GAS6: variants seen among roughly 807,000 people sequenced by gnomAD.
The protein encoded by GAS6 is growth arrest-specific protein 6.
Under a neutral mutation model 75.8 loss-of-function variants are expected in GAS6, and 41 were observed. That is an observed-to-expected ratio of 0.54 (90% CI 0.42 to 0.70). The LOEUF (loss-of-function observed/expected upper bound fraction) is 0.70. GAS6 is among the 30% of genes least tolerant of loss of function. The pLI, the probability that GAS6 is intolerant of heterozygous loss-of-function variation, is 0.00. For synonymous variants in GAS6, 432 were observed against 412.6 expected (o/e 1.05, Z -0.57); for missense variants, 854 against 940.2 (o/e 0.91, Z 1.20).
At chr13:113,831,701 G>C (rs889922259) in intron 10 of GAS6, among the ~76,000 whole-genome samples, 1 of 152,152 alleles carries the variant, frequency 6.6e-6, no homozygotes, top group Non-Finnish European at 1.5e-5. Context: ...GAGAGGCCTA[G>C]AGCACCACAG....
chr13:113,839,641 C>A (rs185588960), intron 5 of GAS6, 87 bp downstream of exon 5: 1 of 1,532,648 alleles, frequency 6.5e-7, no homozygotes, highest in Non-Finnish European at 8.9e-7. Flanking sequence ...TGAGGATGGC[C>A]GTGCCCCGGA....
chr13:113,838,642 C>T (rs1251890262), intron 5 of GAS6, among the ~76,000 whole-genome samples: 3 of 101,280 alleles, frequency 3.0e-5, no homozygotes, highest in Non-Finnish European at 3.8e-5. Flanking sequence ...AGCCCAGCCC[C>T]GCAGCAGGAG....
In GAS6 at chr13:113,848,055, GGAAAAA is replaced by G; in HGVS notation, c.256-11_256-6del. ...GTATCTTGGGTAAAAATAATCCTGTGGAAAAAGAAAAAGAAAAGGCAAGCATTGACC... is the reference window on the plus strand; with the variant it reads ...GTATCTTGGGTAAAAATAATCCTGTGGAAAAAGAAAAGGCAAGCATTGACC... On this transcript the variant is annotated splice_polypyrimidine_tract_variant and splice_region_variant and intron_variant, in intron 2 of 14. Transcript: ENST00000327773. The surrounding 1 kb of genome is among the most constrained non-coding windows in gnomAD (Gnocchi z 4.8). The G allele has an allele frequency of 6.2e-7, 1 of 1,612,006 alleles. No individual in the cohort carries two copies. The highest frequency in any genetic ancestry group is 8.5e-7 in the Non-Finnish European group (1 of 1,179,324).
intron 2 of GAS6, among the ~76,000 whole-genome samples, chr13:113,862,625 G>T (rs2051981399): frequency 6.6e-6 from 1 of 152,220 alleles, no homozygotes; most frequent in African/African-American, 2.4e-5. Context: ...AGTGCACAGT[G>T]GCCATCTGAC....
intron 8 of GAS6, chr13:113,833,402 C>T (rs2051654279): frequency 1.2e-5 from 12 of 992,016 alleles, no homozygotes; most frequent in Non-Finnish European, 1.4e-5. Context: ...GGCTGCATCC[C>T]AGGTCTGCGA....
At chr13:113,849,771 A>G (rs2051859567) in intron 2 of GAS6, among the ~76,000 whole-genome samples, 1 of 152,218 alleles carries the variant, frequency 6.6e-6, no homozygotes, top group Non-Finnish European at 1.5e-5. Context: ...ACCTATGGGA[A>G]TGGGGTTTCT....
rs887383063 is a variant in GAS6, at chr13:113,863,142, A to G, written c.255+433T>C. On this transcript the variant is annotated intron_variant, in intron 2 of 14. Coordinates refer to ENST00000327773, the MANE Select transcript of GAS6 (RefSeq NM_000820.4). This position sits in a 1 kb window ranked among gnomAD's most constrained non-coding sequence, Gnocchi z 9.4. ...TATTTTTGGACCTGCTGCCGCAAGC[A>G]GTTCCCGCCCTCGGCCCTTTCAATT... 7.2e-5 allele frequency among the ~76,000 whole-genome samples: 11 copies of G among 152,168 alleles called. No individual in the cohort carries two copies. The highest frequency in any genetic ancestry group is 4.4e-5 in the Non-Finnish European group (3 of 68,006).
intron 4 of GAS6, chr13:113,842,894 G>T (rs1448148649): frequency 1.0e-5 from 4 of 397,010 alleles, no homozygotes; most frequent in African/African-American, 2.1e-5. Flanking sequence ...CTGAGGCTGA[G>T]GGACAGTGCC....
Position 113,834,691 on chromosome 13 carries a change from C to G in GAS6, c.713-19G>C, listed in dbSNP as rs370209909. ...TCCACATCTGCCAGCCAGAGGGAAG[C>G]GGCGGTGAGCCGGGGAGGCCTCTAC... is the stretch of plus-strand genomic sequence containing the variant. On this transcript the variant is annotated intron_variant, in intron 7 of 14. Coordinates refer to ENST00000327773, the MANE Select transcript of GAS6 (RefSeq NM_000820.4). 2 of 1,524,214 alleles carry G rather than the reference C, an allele frequency of 1.3e-6. No homozygotes were observed. Among genetic ancestry groups the G allele is most frequent in the South Asian group, 1.3e-5 (1 of 77,806 alleles). 94.4% of individuals were successfully genotyped at this position (1,524,214 alleles called of 1,614,324 possible).
intron 2 of GAS6, among the ~76,000 whole-genome samples, chr13:113,854,267 C>T (rs917724745): frequency 5.9e-5 from 9 of 152,266 alleles, no homozygotes; most frequent in Non-Finnish European, 1.2e-4. Context: ...ACAGCACCGA[C>T]GTGGTGCCTG....
chr13:113,823,580 G>C, intron 12 of GAS6, 30 bp from the exon 13 acceptor site: 1 of 1,582,472 alleles, frequency 6.3e-7, no homozygotes, highest in South Asian at 1.1e-5. Flanking sequence ...TTATAGGGTG[G>C]TATGCACGGT....
intron 2 of GAS6, among the ~76,000 whole-genome samples, chr13:113,851,314 GATGAGTGAATGA>G (rs2051872933): frequency 6.6e-6 from 1 of 151,412 alleles, no homozygotes; most frequent in South Asian, 2.1e-4. Context: ...TGAGTGGCCA[GATGAGTGAATGA>G]ATGAGTGGGT....
chr13:113,834,825 C>G (rs1024455955), intron 7 of GAS6, 153 bp from the exon 8 acceptor site: 11 of 774,054 alleles, frequency 1.4e-5, no homozygotes, highest in South Asian at 5.0e-5. Flanking sequence ...GCGTCCCCCC[C>G]CACTGGAAAG....
rs1205881955 is a variant in GAS6, at chr13:113,863,472, C to CGCCGCGCGGAGCTGGGGG, written c.255+85_255+102dup. On this transcript the variant is annotated intron_variant, in intron 2 of 14. Coordinates refer to ENST00000327773, the MANE Select transcript of GAS6 (RefSeq NM_000820.4). This position sits in a 1 kb window ranked among gnomAD's most constrained non-coding sequence, Gnocchi z 9.4. The stretch of plus-strand genomic sequence containing the variant: ...CTCCTGGGACCCTGAGGCCAGGCCT[C>CGCCGCGCGGAGCTGGGGG]GCCGCGCGGAGCTGGGGGGCGGCAG... 5.8e-6 allele frequency: 7 copies of CGCCGCGCGGAGCTGGGGG among 1,209,636 alleles called. No homozygotes were observed. The highest frequency in any genetic ancestry group is 3.2e-5 in the African/African-American group (2 of 61,882). 74.9% of individuals were successfully genotyped at this position (1,209,636 alleles called of 1,614,324 possible). A position where few individuals can be genotyped will look rare whatever the true frequency, so the allele number is the denominator to read the frequency against.
At chr13:113,852,298 C>A (rs1349504973) in intron 2 of GAS6, among the ~76,000 whole-genome samples, 1 of 152,230 alleles carries the variant, frequency 6.6e-6, no homozygotes, top group Non-Finnish European at 1.5e-5. Context: ...CGTCCCCGTG[C>A]TGGGGGTTCC....
intron 6 of GAS6, among the ~76,000 whole-genome samples, chr13:113,836,944 GGA>G (rs2051723784): frequency 6.7e-6 from 1 of 149,090 alleles, no homozygotes; most frequent in African/African-American, 2.5e-5. Context: ...GGGAGGAGGA[GGA>G]GAGGACGGGA....
At chr13:113,838,334 A>AG in intron 5 of GAS6, 143 bp from the exon 6 acceptor site, 1 of 959,580 alleles carries the variant, frequency 1.0e-6, no homozygotes, top group Non-Finnish European at 1.6e-6. Context: ...GAGCAGAGAG[A>AG]GATCCCAAAG....
rs144103562 is a variant in GAS6, at chr13:113,828,661, A to G, written c.1194T>C (p.Asp398=). 4.8e-4 allele frequency: 782 copies of G among 1,613,608 alleles called. 2 individuals carry two copies. In the African/African-American group the frequency reaches 8.1e-3, roughly 17 times the overall value. The change falls in exon 11 of 15, where the codon GAT becomes GAC. Residue 398 remains aspartate, a synonymous_variant. Coordinates refer to ENST00000327773, the MANE Select transcript of GAS6 (RefSeq NM_000820.4). Reference sequence around the variant, plus strand: ...CGGCCACCGCGATTTTCATGACAGCATCCCTGTTGACCTTGATGACCAGAT... The same window carrying G: ...CGGCCACCGCGATTTTCATGACAGCGTCCCTGTTGACCTTGATGACCAGAT... ...ARNLVIKVNR[D]AVMKIAVAGD... is the part of the protein sequence containing the mutation.
chr13:113,821,917 G>A, intron 14 of GAS6, 41 bp downstream of exon 14: 1 of 1,461,658 alleles, frequency 6.8e-7, no homozygotes, highest in Non-Finnish European at 9.1e-7. Flanking sequence ...GGGCCTCCCT[G>A]GAGCTCTTCA....
Sources: gnomAD v4.1 joint callset for allele counts (sites outside exome capture counted in the v4.1 genomes callset) on GRCh38, gnomAD v4.1.1 for gene constraint, Gnocchi (gnomAD v3.1) non-coding constraint, MANE v1.5 for transcripts, NCBI Gene and HGNC (gene_info 2026-07-23, HGNC 2026-07-21) for gene names.